Variants in DNER observed in about 807,000 individuals in gnomAD.
DNER encodes delta and Notch-like epidermal growth factor-related receptor.
A neutral mutation model predicts 78.2 loss-of-function variants in DNER; 33 were observed. That is an observed-to-expected ratio of 0.42 (90% CI 0.32 to 0.56). DNER has a LOEUF of 0.56. Ranked by LOEUF, DNER falls within the 20% of genes least tolerant of loss-of-function variation. DNER has a pLI of 0.11. For missense variants in DNER, 918 were observed against 975.3 expected, an observed-to-expected ratio of 0.94 and a Z score of 0.78; for synonymous variants, 417 against 384.8, an observed-to-expected ratio of 1.08 and a Z score of -0.98.
rs142626597 is a variant in DNER at position 229,379,161 on chromosome 2, G to A, written c.1855+9104C>T. Among the ~76,000 whole-genome samples, 53 of 152,292 alleles carry A rather than the reference G, an allele frequency of 3.5e-4. No homozygotes were observed. In the East Asian group the frequency reaches 0.01, roughly 29 times the overall value. On this transcript the variant is annotated intron_variant, in intron 11 of 12. Coordinates refer to ENST00000341772, the MANE Select transcript of DNER (RefSeq NM_139072.4). ...CTCAGAATAGCCACTGTCCTGGGCT[G>A]TAGGCAGCATCTAAAAAGACAATTG...
intron 11 of DNER, among the ~76,000 whole-genome samples, chr2:229,381,967 C>G (rs1438437245): frequency 6.6e-6 from 1 of 152,206 alleles, no homozygotes; most frequent in African/African-American, 2.4e-5. Context: ...TGCCTCCTGA[C>G]AGAGAGACAC....
intron 4 of DNER, among the ~76,000 whole-genome samples, chr2:229,583,533 T>C (rs990510902): frequency 6.6e-6 from 1 of 152,236 alleles, no homozygotes; most frequent in Non-Finnish European, 1.5e-5. Context: ...AGTCATTAAG[T>C]GGAACCAGCG....
rs191418818 is a variant in DNER, at chr2:229,653,216, C to T, written c.276+60932G>A. Among the ~76,000 whole-genome samples, 8 of 152,338 alleles carry T rather than the reference C, an allele frequency of 5.3e-5. No individual in the cohort carries two copies. The East Asian group carries it at 1.5e-3, about 29-fold the overall frequency. The stretch of plus-strand genomic sequence containing the variant: ...TCGGGGAGAAAATCACCAGCCATTT[C>T]TGGCTTTGGGAGGCAGCCGCCTCTG... On this transcript the variant is annotated intron_variant, in intron 1 of 12. Transcript: ENST00000341772.
At chr2:229,653,534 T>C (rs956885337) in intron 1 of DNER, among the ~76,000 whole-genome samples, 4 of 152,240 alleles carry the variant, frequency 2.6e-5, no homozygotes, top group South Asian at 4.1e-4. Flanking sequence ...TGAGTTCTTT[T>C]TATAAACACA....
intron 10 of DNER, among the ~76,000 whole-genome samples, chr2:229,396,039 C>A (rs926473439): frequency 6.6e-6 from 1 of 152,116 alleles, no homozygotes. Context: ...AATTTCCTAC[C>A]TTGTTTCACC....
At chr2:229,432,736 TAGGG>T (rs1694035273) in intron 8 of DNER, among the ~76,000 whole-genome samples, 2 of 152,154 alleles carry the variant, frequency 1.3e-5, no homozygotes, top group South Asian at 4.2e-4. Flanking sequence ...ACTCTAAGGG[TAGGG>T]CCCAGAACTC....
chr2:229,639,202 G>GT (rs1418086977), intron 1 of DNER, among the ~76,000 whole-genome samples: 4 of 152,158 alleles, frequency 2.6e-5, no homozygotes, highest in Admixed American at 6.5e-5. Flanking sequence ...AGAAAATAGG[G>GT]TTTTTTCTCA....
At chr2:229,516,418 C>T (rs904497627) in intron 5 of DNER, among the ~76,000 whole-genome samples, 11 of 152,152 alleles carry the variant, frequency 7.2e-5, no homozygotes, top group Admixed American at 7.2e-4. Flanking sequence ...ATTAACTCCA[C>T]CAGCATAAGG....
intron 1 of DNER, among the ~76,000 whole-genome samples, chr2:229,642,456 A>G (rs1179087882): frequency 6.6e-6 from 1 of 152,272 alleles, no homozygotes; most frequent in Non-Finnish European, 1.5e-5. Context: ...GAAATGGTTT[A>G]GATTGGCCTG....
At chr2:229,374,159 T>TA (rs1451164497) in intron 11 of DNER, among the ~76,000 whole-genome samples, 3 of 150,774 alleles carry the variant, frequency 2.0e-5, no homozygotes, top group Non-Finnish European at 4.4e-5. Context: ...GACCCTGTCT[T>TA]AAAAAAGAAA....
intron 1 of DNER, among the ~76,000 whole-genome samples, chr2:229,601,063 G>A (rs569660198): frequency 6.6e-6 from 1 of 152,298 alleles, no homozygotes; most frequent in Admixed American, 6.5e-5. Context: ...AGGCAAGAAA[G>A]CTTCCTGGGG....
intron 1 of DNER, among the ~76,000 whole-genome samples, chr2:229,611,419 T>G (rs1035856122): frequency 2.6e-5 from 4 of 152,184 alleles, no homozygotes; most frequent in Non-Finnish European, 2.9e-5. Context: ...ACATTAAAAG[T>G]TCTTCATAAA....
At chr2:229,610,819 C>T (rs945086163) in intron 1 of DNER, among the ~76,000 whole-genome samples, 4 of 152,214 alleles carry the variant, frequency 2.6e-5, no homozygotes, top group African/African-American at 4.8e-5. Flanking sequence ...GCAATGTGTA[C>T]GCTGCTTACA....
At chr2:229,485,720 C>T (rs1210862700) in intron 6 of DNER, among the ~76,000 whole-genome samples, 1 of 152,028 alleles carries the variant, frequency 6.6e-6, no homozygotes, top group Non-Finnish European at 1.5e-5. Context: ...AGAAGAAGGG[C>T]GATCAATCAG....
intron 1 of DNER, among the ~76,000 whole-genome samples, chr2:229,628,689 C>T (rs138885654): frequency 2.9e-4 from 44 of 152,258 alleles, no homozygotes; most frequent in African/African-American, 1.1e-3. Flanking sequence ...ACAGAGAGGA[C>T]CTGCAATCCT....
At chr2:229,485,676 G>A (rs1475574195) in intron 6 of DNER, among the ~76,000 whole-genome samples, 2 of 152,162 alleles carry the variant, frequency 1.3e-5, no homozygotes, top group East Asian at 1.9e-4. Context: ...TACATGAGGT[G>A]TAAGCGAAGT....
chr2:229,668,157 G>C (rs6741523), intron 1 of DNER, among the ~76,000 whole-genome samples: 31,340 of 151,868 alleles, frequency 0.21, 5,620 homozygotes, highest in African/African-American at 0.49. Context: ...AGGAAGCGCT[G>C]ACCACCAGTA....
chr2:229,515,533 C>T (rs760064422), intron 5 of DNER, among the ~76,000 whole-genome samples: 17 of 151,750 alleles, frequency 1.1e-4, no homozygotes, highest in Admixed American at 7.2e-4. Context: ...GGTTATTTGA[C>T]GGATACATTT....
intron 8 of DNER, among the ~76,000 whole-genome samples, chr2:229,434,925 T>TACACAC (rs58688647): frequency 7.7e-6 from 1 of 130,568 alleles, no homozygotes; most frequent in African/African-American, 3.0e-5. Context: ...TATATATATA[T>TACACAC]ACACACACAC....
Sources: gnomAD v4.1 joint callset for allele counts (sites outside exome capture counted in the v4.1 genomes callset) on GRCh38, gnomAD v4.1.1 for gene constraint, MANE v1.5 for transcripts, NCBI Gene and HGNC (gene_info 2026-07-23, HGNC 2026-07-21) for gene names.